GASK1B: variants seen among roughly 807,000 people sequenced by gnomAD.
GASK1B encodes the protein Golgi-associated kinase 1B.
In GASK1B, 34 loss-of-function variants were observed where a neutral mutation model predicts 42.8. The ratio of observed to expected loss-of-function variants is 0.79; its 90% CI spans 0.60 to 1.06. GASK1B has a LOEUF of 1.06. Among genes scored for constraint, GASK1B ranks in the 50% least tolerant of loss-of-function variants. GASK1B has a pLI of 0.00. For missense variants in GASK1B, 686 were observed against 661.0 expected, an observed-to-expected ratio of 1.04 and a Z score of -0.42; for synonymous variants, 262 against 259.1, an observed-to-expected ratio of 1.01 and a Z score of -0.11.
chr4:158,130,535 G>A (rs1025854205), intron 4 of GASK1B, among the ~76,000 whole-genome samples: 2 of 152,148 alleles, frequency 1.3e-5, no homozygotes, highest in African/African-American at 4.8e-5. Flanking sequence ...TGAGAACCAA[G>A]CAACATCATG....
intron 2 of GASK1B, chr4:158,169,177 A>G (rs1373631970): frequency 6.6e-6 from 1 of 152,224 alleles, no homozygotes; most frequent in Non-Finnish European, 1.5e-5. Flanking sequence ...ACACATATGA[A>G]TCAATTTGTA....
intron 3 of GASK1B, among the ~76,000 whole-genome samples, chr4:158,146,336 A>C (rs927228160): frequency 6.6e-6 from 1 of 152,162 alleles, no homozygotes; most frequent in Non-Finnish European, 1.5e-5. Flanking sequence ...ACGAAAGTCC[A>C]AATGAAATTA....
At chr4:158,136,613 G>C (rs945715037) in intron 3 of GASK1B, among the ~76,000 whole-genome samples, 1 of 152,160 alleles carries the variant, frequency 6.6e-6, no homozygotes, top group Admixed American at 6.5e-5. Context: ...ATTCAAATCT[G>C]TTAGTTAAAT....
At position 158,171,242 on chromosome 4, in the gene GASK1B, G is replaced by T; in HGVS notation, c.134C>A (p.Ala45Asp). The T allele has an allele frequency of 1.2e-6, 2 of 1,614,050 alleles. No homozygotes were observed. The highest frequency in any genetic ancestry group is 1.7e-6 in the Non-Finnish European group (2 of 1,180,020). Residue 45 changes from alanine to aspartate, a missense_variant, in exon 2 of 5, where the codon GCC becomes GAC. Physicochemically the swap from Ala to Asp is moderately radical, Grantham distance 126. Coordinates refer to ENST00000585682, the MANE Select transcript of GASK1B (RefSeq NM_001128424.2). ...RRNLLLGTAC[A>D]IYLGFLVSQV... ...GCTCACCAGGAAGCCCAAGTAGATG[G>T]CACACGCAGTGCCCAGCAGAAGGTT... is the stretch of plus-strand genomic sequence containing the variant.
At chr4:158,162,057 C>T (rs1043018758) in intron 2 of GASK1B, among the ~76,000 whole-genome samples, 7 of 152,158 alleles carry the variant, frequency 4.6e-5, no homozygotes, top group African/African-American at 1.4e-4. Flanking sequence ...TGCTTTCACA[C>T]GTTTTTCATA....
intron 3 of GASK1B, among the ~76,000 whole-genome samples, chr4:158,140,847 T>C (rs1285486790): frequency 6.6e-6 from 1 of 152,252 alleles, no homozygotes; most frequent in Non-Finnish European, 1.5e-5. Flanking sequence ...AACTATGCAC[T>C]GATCAATTTC....
intron 3 of GASK1B, among the ~76,000 whole-genome samples, chr4:158,133,220 A>G (rs1214635436): frequency 4.6e-5 from 7 of 152,186 alleles, no homozygotes; most frequent in Admixed American, 4.6e-4. Context: ...TTAAATACAC[A>G]TTAACTAATG....
intron 3 of GASK1B, among the ~76,000 whole-genome samples, chr4:158,144,356 C>G (rs1320336132): frequency 1.3e-5 from 2 of 152,164 alleles, no homozygotes; most frequent in African/African-American, 4.8e-5. Context: ...CTTCTAGTGA[C>G]AAACTATGGA....
At chr4:158,135,178 G>A (rs1205776224) in intron 3 of GASK1B, among the ~76,000 whole-genome samples, 2 of 151,628 alleles carry the variant, frequency 1.3e-5, no homozygotes, top group Non-Finnish European at 2.9e-5. Context: ...TAAAGATACC[G>A]GGCGTGGTGG....
rs1458644269 is a variant in GASK1B at position 158,166,854 on chromosome 4, C to T, written c.910+3612G>A. ...TGTGGTGATAGAGAAAGACGATGTA[C>T]CTTAGGGCCCCCTAAAGGATTTGTT... On this transcript the variant is annotated intron_variant, in intron 2 of 4. Coordinates refer to ENST00000585682, the MANE Select transcript of GASK1B (RefSeq NM_001128424.2). 2.0e-5 allele frequency among the ~76,000 whole-genome samples: 3 copies of T among 152,032 alleles called. No individual in the cohort carries two copies. In the East Asian group the frequency reaches 5.8e-4, roughly 29 times the overall value.
chr4:158,137,371 C>A (rs1240173493), intron 3 of GASK1B, among the ~76,000 whole-genome samples: 1 of 151,676 alleles, frequency 6.6e-6, no homozygotes, highest in African/African-American at 2.4e-5. Context: ...CCATTTTCAA[C>A]AATTATTTTA....
intron 3 of GASK1B, among the ~76,000 whole-genome samples, chr4:158,151,737 T>A (rs906080993): frequency 2.0e-5 from 3 of 152,164 alleles, no homozygotes; most frequent in Admixed American, 6.5e-5. Context: ...CCCTCCTAGA[T>A]TGAACTAGGA....
chr4:158,158,958 G>T (rs1364272645), intron 2 of GASK1B, among the ~76,000 whole-genome samples: 4 of 151,972 alleles, frequency 2.6e-5, no homozygotes, highest in Non-Finnish European at 5.9e-5. Flanking sequence ...TAGTTTATGG[G>T]TATGCTGTAT....
intron 2 of GASK1B, 67 bp from the exon 3 acceptor site, chr4:158,155,892 T>C (rs2110992981): frequency 1.5e-6 from 2 of 1,351,854 alleles, no homozygotes; most frequent in Non-Finnish European, 1.0e-6. Context: ...TTTGAGCAGG[T>C]CGTTCACTCT....
rs796148404 is a variant in GASK1B at position 158,166,962 on chromosome 4, C to A, written c.910+3504G>T. Among the ~76,000 whole-genome samples, 6 of 152,216 alleles carry A rather than the reference C, an allele frequency of 3.9e-5. 2 individuals carry two copies. The highest frequency in any genetic ancestry group is 3.9e-4 in the Admixed American group (6 of 15,290). ...GCTGGACAACTAACTCATCACATGA[C>A]CTTGAGCAGTCTTCTTGCCTTTCTT... On this transcript the variant is annotated intron_variant, in intron 2 of 4. Transcript: ENST00000585682.
In GASK1B at chr4:158,131,022, G is replaced by T; in HGVS notation, c.1126-10C>A. On this transcript the variant is annotated splice_polypyrimidine_tract_variant and intron_variant, in intron 3 of 4. Transcript: ENST00000585682. ...CTAAGCGATTATAAATCTGTAAATG[G>T]AAAACACAAAATCCAAGATGCTGAG... 1 of 1,607,144 alleles carries T rather than the reference G, an allele frequency of 6.2e-7. No individual in the cohort carries two copies. Among genetic ancestry groups the T allele is most frequent in the Admixed American group, 1.7e-5 (1 of 59,486 alleles).
chr4:158,130,662 G>T, intron 4 of GASK1B, 124 bp downstream of exon 4: 1 of 796,860 alleles, frequency 1.3e-6, no homozygotes. Flanking sequence ...TCCATTCCCA[G>T]ATTCCACATT....
chr4:158,148,040 G>C (rs1168320456), intron 3 of GASK1B, among the ~76,000 whole-genome samples: 1 of 151,974 alleles, frequency 6.6e-6, no homozygotes, highest in Non-Finnish European at 1.5e-5. Context: ...AATGAGACCT[G>C]TCTCTAAAAA....
In GASK1B at chr4:158,127,324, G is replaced by A. The variant is rs1408484809; in HGVS notation, c.*83C>T. 1.7e-6 allele frequency: 2 copies of A among 1,149,248 alleles called. No homozygotes were observed. Among genetic ancestry groups the A allele is most frequent in the African/African-American group, 1.5e-5 (1 of 65,120 alleles). 71.2% of individuals were successfully genotyped at this position (1,149,248 alleles called of 1,614,324 possible). On this transcript the variant is annotated 3_prime_UTR_variant, in exon 5 of 5. Transcript: ENST00000585682. ...ATCTACACTGCCTCATTGCTAAACG[G>A]GCTTGAGGTTGATGTGCTTGATTTA...
Sources: allele counts gnomAD v4.1 joint callset (sites outside exome capture counted in the v4.1 genomes callset), GRCh38; gene constraint gnomAD v4.1.1; transcripts MANE v1.5; gene names NCBI Gene and HGNC (gene_info 2026-07-23, HGNC 2026-07-21).